AKAP10: variants seen among roughly 807,000 people sequenced by gnomAD.
AKAP10 encodes A-kinase anchoring protein 10, also known as A-kinase anchor protein 10, mitochondrial.
In AKAP10, 24 loss-of-function variants were observed where a neutral mutation model predicts 80.8. The ratio of observed to expected loss-of-function variants is 0.30; its 90% CI spans 0.22 to 0.42. AKAP10 has a LOEUF of 0.42. Among genes scored for constraint, AKAP10 ranks in the 10% least tolerant of loss-of-function variants. AKAP10 has a pLI of 1.00. For missense variants in AKAP10, 661 were observed against 794.9 expected, an observed-to-expected ratio of 0.83 and a Z score of 2.03; for synonymous variants, 291 against 277.7, an observed-to-expected ratio of 1.05 and a Z score of -0.48.
In AKAP10 at chr17:19,977,737, G is replaced by T; in HGVS notation, c.-58C>A. 9.0e-7 allele frequency: 1 copy of T among 1,113,220 alleles called. No individual in the cohort carries two copies. The allele number at this position is 1,113,220 out of a possible 1,614,324, so 69.0% of individuals were successfully genotyped here. ...GGGCCGCTGCACTAGCGCGAAAAGGGACCCTTCTTCCGGGAGTGGGCCCCA... is the reference window on the plus strand; with the variant it reads ...GGGCCGCTGCACTAGCGCGAAAAGGTACCCTTCTTCCGGGAGTGGGCCCCA... On this transcript the variant is annotated 5_prime_UTR_variant, in exon 1 of 15. Coordinates refer to ENST00000225737, the MANE Select transcript of AKAP10 (RefSeq NM_007202.4).
chr17:19,950,295 G>A (rs2043184754), intron 4 of AKAP10, among the ~76,000 whole-genome samples: 1 of 152,154 alleles, frequency 6.6e-6, no homozygotes, highest in Non-Finnish European at 1.5e-5. Flanking sequence ...AAGCAAAAAA[G>A]GGGCTCTCCC....
At chr17:19,946,196 ACATATATTT>A (rs2043104790) in intron 5 of AKAP10, among the ~76,000 whole-genome samples, 1 of 64,470 alleles carries the variant, frequency 1.6e-5, no homozygotes, top group Non-Finnish European at 2.7e-5. Flanking sequence ...ATATACTAAT[ACATATATTT>A]TATATATATA....
chr17:19,941,805 T>C, intron 6 of AKAP10, 21 bp downstream of exon 6: 1 of 1,525,116 alleles, frequency 6.6e-7, no homozygotes, highest in Non-Finnish European at 8.8e-7. Context: ...ATGCACAATG[T>C]GAAAATATGA....
At chr17:19,937,344 A>C (rs1298324771) in intron 8 of AKAP10, among the ~76,000 whole-genome samples, 2 of 152,096 alleles carry the variant, frequency 1.3e-5, no homozygotes, top group Admixed American at 1.3e-4. Flanking sequence ...TCTACTAAAA[A>C]TACAAAAATT....
chr17:19,920,887 C>CAAAAAAAAAAAAAAAAAA (rs2042805303), intron 11 of AKAP10, among the ~76,000 whole-genome samples: 3 of 66,862 alleles, frequency 4.5e-5, no homozygotes, highest in African/African-American at 1.9e-4. Context: ...AAAAAAAAAG[C>CAAAAAAAAAAAAAAAAAA]AAAAAATACA....
intron 12 of AKAP10, among the ~76,000 whole-genome samples, chr17:19,910,197 G>A (rs1160961444): frequency 2.0e-5 from 3 of 151,884 alleles, no homozygotes; most frequent in African/African-American, 7.3e-5. Flanking sequence ...CATGGTAGCA[G>A]GTGCCTATAA....
intron 4 of AKAP10, among the ~76,000 whole-genome samples, chr17:19,950,590 C>G (rs576596299): frequency 2.6e-5 from 4 of 152,378 alleles, no homozygotes; most frequent in Middle Eastern, 3.4e-3. Flanking sequence ...GGATTGCAGA[C>G]GGAGTCTCGC....
At chr17:19,923,132 C>A (rs1375209195) in intron 11 of AKAP10, among the ~76,000 whole-genome samples, 1 of 152,094 alleles carries the variant, frequency 6.6e-6, no homozygotes, top group African/African-American at 2.4e-5. Context: ...GGCTGCAGTG[C>A]AATGGTGTGA....
chr17:19,906,124 A>C lies in AKAP10; in HGVS notation c.*103T>G. The C allele has an allele frequency of 7.8e-7, 1 of 1,282,280 alleles. No individual in the cohort carries two copies. The highest frequency in any genetic ancestry group is 1.1e-6 in the Non-Finnish European group (1 of 898,900). 79.4% of individuals were successfully genotyped at this position (1,282,280 alleles called of 1,614,324 possible). A position where few individuals can be genotyped will look rare whatever the true frequency, so the allele number is the denominator to read the frequency against. On this transcript the variant is annotated 3_prime_UTR_variant, in exon 15 of 15. Coordinates refer to ENST00000225737, the MANE Select transcript of AKAP10 (RefSeq NM_007202.4). ...CTCCTGGAAACAACAGTGACAGATC[A>C]GAAATATAGTGCTGTTTTCATTGGC...
At chr17:19,951,605 C>G (rs175921) in intron 4 of AKAP10, among the ~76,000 whole-genome samples, 64,052 of 149,826 alleles carry the variant, frequency 0.43, 14,260 homozygotes, top group African/African-American at 0.57. Context: ...CCCCAACCCC[C>G]TGCTCTCTGA....
intron 9 of AKAP10, 90 bp from the exon 10 acceptor site, chr17:19,932,068 G>T: frequency 1.7e-6 from 2 of 1,197,758 alleles, no homozygotes; most frequent in Non-Finnish European, 2.3e-6. Flanking sequence ...TAATTCTACT[G>T]GTTACAAATG....
At chr17:19,975,172 G>A (rs2043549293) in intron 1 of AKAP10, among the ~76,000 whole-genome samples, 1 of 152,092 alleles carries the variant, frequency 6.6e-6, no homozygotes, top group Admixed American at 6.6e-5. Context: ...GACCACAGGT[G>A]TGCACCATCA....
At position 19,954,047 on chromosome 17, in the gene AKAP10, A is replaced by C. The variant is rs531490355; in HGVS notation, c.877+3967T>G. ...GACTCTGTCTCACACACAAAAAACAAAACCCTAGGCCCAGATGGCATCACT... is the reference window on the plus strand; with the variant it reads ...GACTCTGTCTCACACACAAAAAACACAACCCTAGGCCCAGATGGCATCACT... On this transcript the variant is annotated intron_variant, in intron 4 of 14. Coordinates refer to ENST00000225737, the MANE Select transcript of AKAP10 (RefSeq NM_007202.4). 1.3e-4 allele frequency among the ~76,000 whole-genome samples: 20 copies of C among 152,316 alleles called. 1 individual carries two copies. The South Asian group carries it at 4.1e-3, about 32-fold the overall frequency.
chr17:19,954,948 A>T (rs538135799), intron 4 of AKAP10, among the ~76,000 whole-genome samples: 1 of 152,210 alleles, frequency 6.6e-6, no homozygotes, highest in South Asian at 2.1e-4. Flanking sequence ...GATTGGGCAC[A>T]GTGGCTCACG....
Position 19,924,408 on chromosome 17 carries a change from C to A in AKAP10, c.1751G>T (p.Gly584Val). 1 of 1,568,420 alleles carries A rather than the reference C, an allele frequency of 6.4e-7. No homozygotes were observed. The highest frequency in any genetic ancestry group is 1.2e-5 in the South Asian group (1 of 82,910). Residue 584 changes from glycine to valine, a missense_variant and splice_region_variant, in exon 11 of 15, where the codon GGG (glycine) becomes GTG (valine). Gly to Val is a moderately radical substitution (Grantham distance 109, BLOSUM62 -3). Coordinates refer to ENST00000225737, the MANE Select transcript of AKAP10 (RefSeq NM_007202.4). ...PESLYQRTYA[G>V]KMTFGRVSDL... The stretch of plus-strand genomic sequence containing the variant: ...AATTCTAGGCATGAGCTAAGCTTAC[C>A]CGGCATATGTCCGTTGATATAAAGA...
In AKAP10 at chr17:19,931,867, G is replaced by C. The variant is rs968871243; in HGVS notation, c.1579C>G (p.Pro527Ala). Reference protein sequence around the residue: ...FLGGNVSLTAPGSVGPPDESH... With the variant: ...FLGGNVSLTAAGSVGPPDESH... ...TCATCAGGAGGGCCAACAGAGCCAG[G>C]AGCAGTCAGCGACACGTTCCCGCCC... Residue 527 changes from proline to alanine, a missense_variant, in exon 10 of 15, where the codon CCT (proline) becomes GCT (alanine). By Grantham distance (27) the Pro-to-Ala change is conservative. Coordinates refer to ENST00000225737, the MANE Select transcript of AKAP10 (RefSeq NM_007202.4). The C allele has an allele frequency of 1.9e-6, 3 of 1,614,000 alleles. No individual in the cohort carries two copies. The highest frequency in any genetic ancestry group is 3.3e-5 in the Admixed American group (2 of 59,986).
At chr17:19,950,731 C>A (rs1183784843) in intron 4 of AKAP10, among the ~76,000 whole-genome samples, 2 of 152,194 alleles carry the variant, frequency 1.3e-5, no homozygotes, top group Non-Finnish European at 2.9e-5. Flanking sequence ...CGGCCGCCAC[C>A]CCGTCCGGGA....
chr17:19,946,240 T>TATATATATATATATTAC (rs2043115503), intron 5 of AKAP10, among the ~76,000 whole-genome samples: 1 of 14,584 alleles, frequency 6.9e-5, no homozygotes, highest in African/African-American at 3.4e-4. Context: ...ATATATATTA[T>TATATATATATATATTAC]ATATATATAT....
At chr17:19,936,710 A>G (rs1474436552) in intron 8 of AKAP10, among the ~76,000 whole-genome samples, 1 of 152,224 alleles carries the variant, frequency 6.6e-6, no homozygotes, top group African/African-American at 2.4e-5. Context: ...TCAGACTACA[A>G]CTGAGGCAAA....
Sources: gnomAD v4.1 joint callset for allele counts (sites outside exome capture counted in the v4.1 genomes callset) on GRCh38, gnomAD v4.1.1 for gene constraint, MANE v1.5 for transcripts, NCBI Gene and HGNC (gene_info 2026-07-23, HGNC 2026-07-21) for gene names.